The following INPP4B variants were observed in gnomAD, a reference collection of about 807,000 sequenced individuals.
The protein encoded by INPP4B is inositol polyphosphate-4-phosphatase type II B.
In INPP4B, 55 loss-of-function variants were observed where a neutral mutation model predicts 122.5. The ratio of observed to expected loss-of-function variants is 0.45; its 90% CI spans 0.36 to 0.56. The LOEUF is 0.56. Among genes scored for constraint, INPP4B ranks in the 20% least tolerant of loss-of-function variants. The pLI, the probability that INPP4B is intolerant of heterozygous loss-of-function variation, is 0.00. For synonymous variants in INPP4B, 403 were observed against 388.7 expected (o/e 1.04, Z -0.43); for missense variants, 1,000 against 1,097.7 (o/e 0.91, Z 1.26).
chr4:142,385,199 C>T (rs1381967768), intron 7 of INPP4B, among the ~76,000 whole-genome samples: 1 of 152,128 alleles, frequency 6.6e-6, no homozygotes, highest in Non-Finnish European at 1.5e-5. Context: ...TCCTCCACAG[C>T]GGTTGAACTA....
At position 142,639,949 on chromosome 4, in the gene INPP4B, C is replaced by T. The variant is rs534667645; in HGVS notation, c.-191+85890G>A. On this transcript the variant is annotated intron_variant, in intron 2 of 25. Transcript: ENST00000262992. ...ATCTTTTCAACAAATGGTACTACTACTTCTAGATGTGACCATGCAGAAGCT... is the reference window on the plus strand; with the variant it reads ...ATCTTTTCAACAAATGGTACTACTATTTCTAGATGTGACCATGCAGAAGCT... 2.6e-5 allele frequency among the ~76,000 whole-genome samples: 4 copies of T among 152,208 alleles called. No individual in the cohort carries two copies. In the South Asian group the frequency reaches 6.2e-4, roughly 24 times the overall value.
chr4:142,593,959 CAT>C (rs1374158554), intron 2 of INPP4B, among the ~76,000 whole-genome samples: 2 of 151,918 alleles, frequency 1.3e-5, no homozygotes, highest in Non-Finnish European at 2.9e-5. Context: ...TAGATCTTTT[CAT>C]ATCTCTACAA....
chr4:142,340,926 TG>T (rs1778501999), intron 7 of INPP4B, among the ~76,000 whole-genome samples: 2 of 152,198 alleles, frequency 1.3e-5, no homozygotes, highest in East Asian at 3.9e-4. Flanking sequence ...TTATCATATC[TG>T]GTTCTGAGAA....
chr4:142,486,506 A>G (rs1211108818), intron 2 of INPP4B, among the ~76,000 whole-genome samples: 1 of 152,096 alleles, frequency 6.6e-6, no homozygotes, highest in Non-Finnish European at 1.5e-5. Context: ...TTCTGGATAC[A>G]ATCTTTTGTC....
Position 142,494,742 on chromosome 4 carries a change from C to T in INPP4B, c.-190-32016G>A, listed in dbSNP as rs185251684. ...GCTGCTCTCAATATTTTTTCTTCATCTTTTAAAAATTTTATTGTTAGTCCC... is the reference window on the plus strand; with the variant it reads ...GCTGCTCTCAATATTTTTTCTTCATTTTTTAAAAATTTTATTGTTAGTCCC... On this transcript the variant is annotated intron_variant, in intron 2 of 25. Coordinates refer to ENST00000262992, the MANE Select transcript of INPP4B (RefSeq NM_001101669.3). Among the ~76,000 whole-genome samples the T allele has an allele frequency of 3.8e-3, 577 of 152,150 alleles. 5 individuals are homozygous for T. Among genetic ancestry groups the T allele is most frequent in the African/African-American group, 0.013 (554 of 41,506 alleles).
At chr4:142,610,106 C>T (rs1742156948) in intron 2 of INPP4B, among the ~76,000 whole-genome samples, 1 of 152,080 alleles carries the variant, frequency 6.6e-6, no homozygotes, top group Non-Finnish European at 1.5e-5. Flanking sequence ...CCCCATGTGT[C>T]AAGGGTGGGG....
chr4:142,474,430 C>T (rs1335130336), intron 2 of INPP4B: 1 of 152,076 alleles, frequency 6.6e-6, no homozygotes, highest in Non-Finnish European at 1.5e-5. Context: ...GCAGGCACAG[C>T]CTCCTGTTGT....
At chr4:142,355,924 A>G (rs1344022482) in intron 7 of INPP4B, among the ~76,000 whole-genome samples, 4 of 151,632 alleles carry the variant, frequency 2.6e-5, no homozygotes, top group African/African-American at 9.7e-5. Context: ...TCTTTTCTTA[A>G]CCTCAAGAGA....
chr4:142,483,661 C>G (rs1288786220), intron 2 of INPP4B, among the ~76,000 whole-genome samples: 1 of 152,018 alleles, frequency 6.6e-6, no homozygotes, highest in Non-Finnish European at 1.5e-5. Flanking sequence ...GATGCCTTAT[C>G]TGAAGTGATG....
intron 2 of INPP4B, among the ~76,000 whole-genome samples, chr4:142,642,075 G>T (rs1210351494): frequency 6.6e-6 from 1 of 152,182 alleles, no homozygotes; most frequent in Non-Finnish European, 1.5e-5. Flanking sequence ...CTTTTGAGAA[G>T]TGTCTGTTCA....
chr4:142,034,856 T>G (rs1329485179), intron 25 of INPP4B, among the ~76,000 whole-genome samples: 1 of 152,118 alleles, frequency 6.6e-6, no homozygotes, highest in African/African-American at 2.4e-5. Context: ...TGCTGGAAGT[T>G]TCCATGGCTT....
intron 25 of INPP4B, among the ~76,000 whole-genome samples, chr4:142,052,275 A>G (rs1755064601): frequency 6.6e-6 from 1 of 152,052 alleles, no homozygotes; most frequent in Non-Finnish European, 1.5e-5. Flanking sequence ...ATGTAGAATA[A>G]ATTAACATGC....
chr4:142,826,806 C>T (rs909388467), intron 1 of INPP4B, among the ~76,000 whole-genome samples: 2 of 152,114 alleles, frequency 1.3e-5, no homozygotes, highest in Non-Finnish European at 2.9e-5. Context: ...GTGAATGACC[C>T]AGGAAGTTCT....
chr4:142,590,090 G>A (rs994425285), intron 2 of INPP4B, among the ~76,000 whole-genome samples: 111 of 152,144 alleles, frequency 7.3e-4, no homozygotes, highest in African/African-American at 2.4e-3. Context: ...ATCATTAGTC[G>A]CCAGGAACTG....
chr4:142,241,110 G>A (rs1268349627), intron 11 of INPP4B, among the ~76,000 whole-genome samples: 1 of 152,086 alleles, frequency 6.6e-6, no homozygotes, highest in Admixed American at 6.6e-5. Flanking sequence ...CTCCACTGGT[G>A]GCAAGTATTT....
chr4:142,583,856 A>AT lies in INPP4B; in HGVS notation c.-190-121131dup, dbSNP rs144482012. On this transcript the variant is annotated intron_variant, in intron 2 of 25. Transcript: ENST00000262992. ...TCAGAAAGTTCCCATAGCCTTTTCC[A>AT]TTTTTTTTCTGGTATTAACAGTGGC... is the stretch of plus-strand genomic sequence containing the variant. 2.3e-3 allele frequency among the ~76,000 whole-genome samples: 345 copies of AT among 151,710 alleles called. 1 individual carries two copies. Among genetic ancestry groups the AT allele is most frequent in the African/African-American group, 7.7e-3 (319 of 41,368 alleles).
At chr4:142,225,344 G>A (rs1331108322) in intron 12 of INPP4B, among the ~76,000 whole-genome samples, 1 of 151,958 alleles carries the variant, frequency 6.6e-6, no homozygotes, top group African/African-American at 2.4e-5. Flanking sequence ...CTACTTTTGA[G>A]GTTTTGGGGC....
chr4:142,749,920 A>G lies in INPP4B; in HGVS notation c.-253-24019T>C, dbSNP rs116611552. On this transcript the variant is annotated intron_variant, in intron 1 of 25. Coordinates refer to ENST00000262992, the MANE Select transcript of INPP4B (RefSeq NM_001101669.3). ...CCAAATCAGAGCCACACAATAATAG[A>G]TGAAAAATAATTACTACTAGTAAAG... Among the ~76,000 whole-genome samples the G allele has an allele frequency of 8.5e-3, 1,298 of 152,130 alleles. 25 individuals carry two copies. Among genetic ancestry groups the G allele is most frequent in the African/African-American group, 0.03 (1,236 of 41,558 alleles).
chr4:142,738,340 T>A (rs2150907660), intron 1 of INPP4B, among the ~76,000 whole-genome samples: 1 of 152,256 alleles, frequency 6.6e-6, no homozygotes, highest in Admixed American at 6.5e-5. Flanking sequence ...ACCATCATTC[T>A]CAGCAAACTA....
Sources: gnomAD v4.1 joint callset for allele counts (sites outside exome capture counted in the v4.1 genomes callset) on GRCh38, gnomAD v4.1.1 for gene constraint, MANE v1.5 for transcripts, NCBI Gene and HGNC (gene_info 2026-07-23, HGNC 2026-07-21) for gene names.